REC114: variants seen among roughly 807,000 people sequenced by gnomAD.
REC114 encodes REC114 meiotic recombination protein.
REC114 carries 27 observed loss-of-function variants against 31.3 expected under a neutral mutation model. The observed-to-expected ratio is 0.86, with a 90% CI of 0.64 to 1.19. REC114 has a LOEUF of 1.19. Ranked by LOEUF, REC114 falls within the 50% of genes most tolerant of loss-of-function variation. REC114 has a pLI of 0.00. For missense variants in REC114, 344 were observed against 326.9 expected (o/e 1.05, Z -0.40); for synonymous variants, 134 against 127.7 (o/e 1.05, Z -0.33).
chr15:73,517,375 A>T (rs971272274), intron 2 of REC114, among the ~76,000 whole-genome samples: 3 of 152,226 alleles, frequency 2.0e-5, no homozygotes, highest in African/African-American at 7.2e-5. Flanking sequence ...GAAGAGGAAG[A>T]GTGGGCAAGA....
At chr15:73,494,543 C>A (rs1567870858) in intron 2 of REC114, among the ~76,000 whole-genome samples, 1 of 151,632 alleles carries the variant, frequency 6.6e-6, no homozygotes, top group South Asian at 2.1e-4. Context: ...AGTCTAAAAC[C>A]CTTTAAATTA....
chr15:73,532,136 C>T (rs941688068), intron 2 of REC114, among the ~76,000 whole-genome samples: 109 of 151,216 alleles, frequency 7.2e-4, no homozygotes, highest in African/African-American at 2.6e-3. Context: ...CCTCCCCCCT[C>T]GCCCCACCCC....
chr15:73,487,555 C>T (rs1893387287), intron 2 of REC114, among the ~76,000 whole-genome samples: 1 of 152,232 alleles, frequency 6.6e-6, no homozygotes, highest in African/African-American at 2.4e-5. Context: ...GAGTAATCTT[C>T]TTTGACTTCA....
rs571917642 is a variant in REC114, at chr15:73,530,061, T to C, written c.250-10424T>C. On this transcript the variant is annotated intron_variant, in intron 2 of 5. Transcript: ENST00000331090. ...CATGAAACCAAACTGGTTATATAGC[T>C]TTTATAAATCAGGAAAAATATAACT... Among the ~76,000 whole-genome samples, 12 of 152,328 alleles carry C rather than the reference T, an allele frequency of 7.9e-5. No individual in the cohort carries two copies. In the East Asian group the frequency reaches 2.3e-3, roughly 29 times the overall value.
At chr15:73,508,344 A>G (rs1371389795) in intron 2 of REC114, among the ~76,000 whole-genome samples, 1 of 152,018 alleles carries the variant, frequency 6.6e-6, no homozygotes, top group Non-Finnish European at 1.5e-5. Flanking sequence ...TGCTGGTGAC[A>G]TAGCACACTG....
intron 1 of REC114, among the ~76,000 whole-genome samples, chr15:73,448,130 G>A (rs1263758662): frequency 6.6e-6 from 1 of 151,826 alleles, no homozygotes. Flanking sequence ...AGTGGCTACT[G>A]GAAAGCCAGT....
chr15:73,461,925 T>TTC (rs1156835163), intron 1 of REC114, among the ~76,000 whole-genome samples: 3 of 126,786 alleles, frequency 2.4e-5, no homozygotes, highest in South Asian at 2.4e-4. Context: ...TTCTTTTCTT[T>TTC]TTTTTTTTTT....
intron 2 of REC114, among the ~76,000 whole-genome samples, chr15:73,496,345 CCTT>C (rs1893524672): frequency 1.6e-5 from 2 of 125,394 alleles, no homozygotes; most frequent in Admixed American, 1.6e-4. Context: ...GAGCAAGACT[CCTT>C]CTCAAAAAAA....
At chr15:73,556,794 A>G (rs1167927737) in intron 5 of REC114, among the ~76,000 whole-genome samples, 2 of 152,192 alleles carry the variant, frequency 1.3e-5, no homozygotes, top group African/African-American at 2.4e-5. Flanking sequence ...ATCTACAACA[A>G]TTTCTATATG....
intron 1 of REC114, among the ~76,000 whole-genome samples, chr15:73,452,321 G>T (rs1029062289): frequency 6.6e-6 from 1 of 152,162 alleles, no homozygotes; most frequent in Non-Finnish European, 1.5e-5. Context: ...AAAATCACAA[G>T]CATTCCTATA....
intron 3 of REC114, among the ~76,000 whole-genome samples, chr15:73,550,463 C>CT (rs923096283): frequency 7.2e-5 from 11 of 152,150 alleles, no homozygotes; most frequent in African/African-American, 2.7e-4. Flanking sequence ...GAGCATCTGC[C>CT]TGTCACTCTT....
At chr15:73,553,965 T>C (rs1894426956) in intron 4 of REC114, among the ~76,000 whole-genome samples, 1 of 152,186 alleles carries the variant, frequency 6.6e-6, no homozygotes, top group Non-Finnish European at 1.5e-5. Context: ...ATCTGTAAAA[T>C]GGTGAGATTA....
chr15:73,459,540 A>G (rs1228882522), intron 1 of REC114, among the ~76,000 whole-genome samples: 2 of 152,138 alleles, frequency 1.3e-5, no homozygotes, highest in Non-Finnish European at 2.9e-5. Flanking sequence ...CCCTAATTAA[A>G]TATGCTTCTA....
chr15:73,551,825 A>G (rs751574362), intron 4 of REC114, among the ~76,000 whole-genome samples: 2 of 152,188 alleles, frequency 1.3e-5, no homozygotes, highest in Non-Finnish European at 2.9e-5. Flanking sequence ...AACTGATAGT[A>G]TTTATTGAAA....
At chr15:73,533,982 A>T (rs1283562067) in intron 2 of REC114, among the ~76,000 whole-genome samples, 1 of 114,384 alleles carries the variant, frequency 8.7e-6, no homozygotes, top group Non-Finnish European at 1.8e-5. Flanking sequence ...ATGTTCTTTG[A>T]AACCAACGAG....
rs943884926 is a variant in REC114, at chr15:73,554,867, A to G, written c.547-1435A>G. On this transcript the variant is annotated intron_variant, in intron 4 of 5. Coordinates refer to ENST00000331090, the MANE Select transcript of REC114 (RefSeq NM_001042367.2). ...TTAGTTCTTTGTGTGAGCTGAAATG[A>G]TAGGTATTCTAGGAAAGCATCATAT... Among the ~76,000 whole-genome samples the G allele has an allele frequency of 9.9e-5, 15 of 152,196 alleles. 1 individual carries two copies. Among genetic ancestry groups the G allele is most frequent in the African/African-American group, 3.6e-4 (15 of 41,454 alleles).
Position 73,483,758 on chromosome 15 carries a change from G to A in REC114, c.249+9837G>A, listed in dbSNP as rs568614329. Reference sequence around the variant, plus strand: ...CTTTGAGCAGCATGGAAAGGGGAAGGTCATGGTCCTGTCTAGGCCAGACTG... The same window carrying A: ...CTTTGAGCAGCATGGAAAGGGGAAGATCATGGTCCTGTCTAGGCCAGACTG... On this transcript the variant is annotated intron_variant, in intron 2 of 5. Transcript: ENST00000331090. 32 of 152,528 alleles carry A rather than the reference G, an allele frequency of 2.1e-4. 1 individual carries two copies. The South Asian group carries it at 6.6e-3, about 32-fold the overall frequency. The allele number at this position is 152,528 out of a possible 1,614,324, so 9.4% of individuals were successfully genotyped here. A position where few individuals can be genotyped will look rare whatever the true frequency, so the allele number is the denominator to read the frequency against.
intron 1 of REC114, among the ~76,000 whole-genome samples, chr15:73,469,405 T>C: frequency 6.6e-6 from 1 of 152,036 alleles, no homozygotes; most frequent in East Asian, 1.9e-4. Flanking sequence ...ACCACTCCAG[T>C]TTTTATTTTT....
chr15:73,530,056 A>G (rs1334976005), intron 2 of REC114, among the ~76,000 whole-genome samples: 1 of 152,230 alleles, frequency 6.6e-6, no homozygotes, highest in Non-Finnish European at 1.5e-5. Flanking sequence ...AACTGGTTAT[A>G]TAGCTTTTAT....
Sources: gnomAD v4.1 joint callset for allele counts (sites outside exome capture counted in the v4.1 genomes callset) on GRCh38, gnomAD v4.1.1 for gene constraint, MANE v1.5 for transcripts, NCBI Gene and HGNC (gene_info 2026-07-23, HGNC 2026-07-21) for gene names.